Variants in NEMP2 observed in about 807,000 individuals in gnomAD.
NEMP2 encodes the protein UPF0571 transmembrane protein.
Under a neutral mutation model 54.2 loss-of-function variants are expected in NEMP2, and 53 were observed. That is an observed-to-expected ratio of 0.98 (90% CI 0.78 to 1.23). The LOEUF (loss-of-function observed/expected upper bound fraction) is 1.23, where lower values mean the gene tolerates loss of function less well. Among genes scored for constraint, NEMP2 ranks in the 50% most tolerant of loss-of-function variants. NEMP2 has a pLI of 0.00. For missense variants in NEMP2, 455 were observed against 511.3 expected (o/e 0.89, Z 1.06); for synonymous variants, 197 against 190.3 (o/e 1.04, Z -0.29).
In NEMP2 at chr2:190,520,202, A is replaced by C. The variant is rs947941436; in HGVS notation, c.214-1019T>G. On this transcript the variant is annotated intron_variant, in intron 2 of 8. Coordinates refer to ENST00000409150, the MANE Select transcript of NEMP2 (RefSeq NM_001142645.2). The surrounding 1 kb of genome is among the most constrained non-coding windows in gnomAD (Gnocchi z 5.4). The stretch of plus-strand genomic sequence containing the variant: ...TAGGCATAGTTTGAAAATAGGGTTT[A>C]TATTTACACCATTTTCTACTATGAT... Among the ~76,000 whole-genome samples the C allele has an allele frequency of 3.9e-5, 6 of 152,166 alleles. No individual in the cohort carries two copies. Among genetic ancestry groups the C allele is most frequent in the Admixed American group, 3.3e-4 (5 of 15,284 alleles).
chr2:190,479,165 T>C, the NEMP2 span, among the ~76,000 whole-genome samples: 3 of 152,196 alleles, frequency 2.0e-5, no homozygotes, highest in African/African-American at 7.2e-5. Context: ...CAAGCCTTTA[T>C]TGGGGGATCA....
At chr2:190,503,303 T>C (rs1690096859), downstream of NEMP2, among the ~76,000 whole-genome samples, 1 of 152,240 alleles carries the variant, frequency 6.6e-6, no homozygotes, top group Admixed American at 6.5e-5. This position sits in a 1 kb window ranked among gnomAD's most constrained non-coding sequence, Gnocchi z 6.3. Context: ...CCCACAGCTC[T>C]GTACTGTCCG....
At chr2:190,486,889 T>G in the NEMP2 span, among the ~76,000 whole-genome samples, 1 of 152,332 alleles carries the variant, frequency 6.6e-6, no homozygotes, top group South Asian at 2.1e-4. Context: ...AGTGTCTTAA[T>G]GAAGGTTTTA....
intron 1 of NEMP2, among the ~76,000 whole-genome samples, chr2:190,532,777 A>G (rs1392584443): frequency 6.6e-6 from 1 of 152,220 alleles, no homozygotes; most frequent in African/African-American, 2.4e-5. Context: ...AAGAGCAGCT[A>G]TGGTTCTTAA....
At chr2:190,488,364 T>C in the NEMP2 span, among the ~76,000 whole-genome samples, 1 of 152,138 alleles carries the variant, frequency 6.6e-6, no homozygotes, top group South Asian at 2.1e-4. The surrounding 1 kb of genome is among the most constrained non-coding windows in gnomAD (Gnocchi z 6.4). Context: ...ATGGTGGTTG[T>C]CAGGGGATGG....
downstream of NEMP2, chr2:190,501,767 T>C (rs1372905443): frequency 6.6e-6 from 1 of 152,568 alleles, no homozygotes; most frequent in Non-Finnish European, 1.5e-5. Context: ...CTGAAAGAAA[T>C]AGAATTCAGC....
the NEMP2 span, among the ~76,000 whole-genome samples, chr2:190,425,044 G>C: frequency 6.6e-6 from 1 of 152,088 alleles, no homozygotes; most frequent in Non-Finnish European, 1.5e-5. The surrounding 1 kb of genome is among the most constrained non-coding windows in gnomAD (Gnocchi z 4.3). Context: ...AGCATTTTAT[G>C]GTTTTCAGCA....
At chr2:190,469,192 TA>T in the NEMP2 span, among the ~76,000 whole-genome samples, 1 of 152,238 alleles carries the variant, frequency 6.6e-6, no homozygotes, top group Non-Finnish European at 1.5e-5. This position sits in a 1 kb window ranked among gnomAD's most constrained non-coding sequence, Gnocchi z 5.3. Flanking sequence ...TAGGAGAAAC[TA>T]TTTGATTTCC....
chr2:190,485,493 AATTT>A, the NEMP2 span, among the ~76,000 whole-genome samples: 5 of 152,168 alleles, frequency 3.3e-5, no homozygotes, highest in South Asian at 2.1e-4. The surrounding 1 kb of genome is among the most constrained non-coding windows in gnomAD (Gnocchi z 5.1). Flanking sequence ...TGAATAAATT[AATTT>A]ATTTCTTGGA....
the NEMP2 span, among the ~76,000 whole-genome samples, chr2:190,429,447 T>G: frequency 6.6e-6 from 1 of 151,698 alleles, no homozygotes; most frequent in African/African-American, 2.4e-5. Flanking sequence ...TGCCTCAGCC[T>G]CCCAAGCAGC....
At chr2:190,644,729 C>T in the NEMP2 span, among the ~76,000 whole-genome samples, 1 of 151,730 alleles carries the variant, frequency 6.6e-6, no homozygotes, top group Non-Finnish European at 1.5e-5. This position sits in a 1 kb window ranked among gnomAD's most constrained non-coding sequence, Gnocchi z 4.4. Flanking sequence ...AAACAACAGA[C>T]AGCGCGGTCT....
rs750063743 is a variant in NEMP2 at position 190,508,153 on chromosome 2, G to C, written c.*1036C>G. ...GATCAGTCAATTCAAAATATCACAA[G>C]AGCTTAAGTGCCTTCAATTTCAAAA... On this transcript the variant is annotated 3_prime_UTR_variant, in exon 9 of 9. Transcript: ENST00000409150. The surrounding 1 kb of genome is among the most constrained non-coding windows in gnomAD (Gnocchi z 4.3). The C allele has an allele frequency of 2.0e-5, 3 of 152,074 alleles. No individual in the cohort carries two copies. The highest frequency in any genetic ancestry group is 4.4e-5 in the Non-Finnish European group (3 of 68,000). The allele number at this position is 152,074 out of a possible 1,614,324, so 9.4% of individuals were successfully genotyped here.
At chr2:190,611,677 A>T in the NEMP2 span, among the ~76,000 whole-genome samples, 1 of 152,190 alleles carries the variant, frequency 6.6e-6, no homozygotes, top group Non-Finnish European at 1.5e-5. The surrounding 1 kb of genome is among the most constrained non-coding windows in gnomAD (Gnocchi z 5.4). Context: ...CAGTCCTTTA[A>T]CCTTTTAATC....
the NEMP2 span, among the ~76,000 whole-genome samples, chr2:190,479,084 A>G: frequency 6.6e-6 from 1 of 152,138 alleles, no homozygotes; most frequent in Non-Finnish European, 1.5e-5. Flanking sequence ...GGCCATGTTC[A>G]TAATAATTAG....
the NEMP2 span, among the ~76,000 whole-genome samples, chr2:190,570,494 G>A: frequency 6.6e-6 from 1 of 152,216 alleles, no homozygotes; most frequent in Non-Finnish European, 1.5e-5. The surrounding 1 kb of genome is among the most constrained non-coding windows in gnomAD (Gnocchi z 5.4). Flanking sequence ...TTCAGCTTTT[G>A]CTCTTACATG....
At chr2:190,460,942 A>C in the NEMP2 span, among the ~76,000 whole-genome samples, 1 of 152,212 alleles carries the variant, frequency 6.6e-6, no homozygotes, top group Non-Finnish European at 1.5e-5. Flanking sequence ...CTGATGATCC[A>C]TGCAGCTCTT....
chr2:190,552,061 A>C, the NEMP2 span, among the ~76,000 whole-genome samples: 1 of 152,176 alleles, frequency 6.6e-6, no homozygotes, highest in Non-Finnish European at 1.5e-5. Context: ...TAGATTGCTT[A>C]AGCACTCTCA....
chr2:190,612,484 T>C, the NEMP2 span, among the ~76,000 whole-genome samples: 1 of 152,168 alleles, frequency 6.6e-6, no homozygotes, highest in African/African-American at 2.4e-5. Flanking sequence ...CCAGTTATTT[T>C]ACTTTAGGAC....
chr2:190,630,431 T>C, the NEMP2 span, among the ~76,000 whole-genome samples: 1 of 152,084 alleles, frequency 6.6e-6, no homozygotes, highest in Non-Finnish European at 1.5e-5. This position sits in a 1 kb window ranked among gnomAD's most constrained non-coding sequence, Gnocchi z 5.5. Context: ...TTGGCCAGGC[T>C]AGCCTCAAAC....
Sources: allele counts gnomAD v4.1 joint callset (sites outside exome capture counted in the v4.1 genomes callset), GRCh38; gene constraint gnomAD v4.1.1; non-coding constraint Gnocchi (gnomAD v3.1); transcripts MANE v1.5; gene names NCBI Gene and HGNC (gene_info 2026-07-23, HGNC 2026-07-21).